DLGAP2: variants seen among roughly 807,000 people sequenced by gnomAD.
DLGAP2 encodes the protein DLG associated protein 2, also known as disks large-associated protein 2.
Under a neutral mutation model 100.3 loss-of-function variants are expected in DLGAP2, and 26 were observed. The observed-to-expected ratio is 0.26, with a 90% CI of 0.19 to 0.36. The LOEUF is 0.36. Among genes scored for constraint, DLGAP2 ranks in the 10% least tolerant of loss-of-function variants. The pLI is 1.00. For missense variants in DLGAP2, 1,858 were observed against 1,453.2 expected (o/e 1.28, Z -4.53); for synonymous variants, 886 against 630.1 (o/e 1.41, Z -6.08).
chr8:1,700,710 A>C (rs892845601), intron 14 of DLGAP2, among the ~76,000 whole-genome samples: 70 of 152,260 alleles, frequency 4.6e-4, no homozygotes, highest in African/African-American at 1.6e-3. Flanking sequence ...GTTTCCCCGC[A>C]CACCCATTCA....
chr8:1,044,749 C>T (rs188626651), intron 2 of DLGAP2, among the ~76,000 whole-genome samples: 86 of 152,328 alleles, frequency 5.6e-4, no homozygotes, highest in African/African-American at 2.0e-3. Flanking sequence ...TGTGTCTGTG[C>T]CTGTGGCTGC....
intron 3 of DLGAP2, among the ~76,000 whole-genome samples, chr8:1,444,944 G>C (rs1797942402): frequency 6.6e-6 from 1 of 151,382 alleles, no homozygotes; most frequent in Non-Finnish European, 1.5e-5. Context: ...GCTAATTTTT[G>C]TATTTTTAGT....
intron 1 of DLGAP2, chr8:822,197 C>G (rs746134037): frequency 2.8e-5 from 11 of 399,406 alleles, no homozygotes; most frequent in Non-Finnish European, 3.1e-5. Context: ...TGCTCAGGTA[C>G]AGTGTGATCT....
intron 3 of DLGAP2, among the ~76,000 whole-genome samples, chr8:1,494,254 C>T (rs991950794): frequency 1.3e-5 from 2 of 152,226 alleles, no homozygotes; most frequent in Admixed American, 1.3e-4. Context: ...GTTTTTCCTT[C>T]TAATACTTTG....
intron 1 of DLGAP2, among the ~76,000 whole-genome samples, chr8:769,007 A>G (rs1343952298): frequency 6.6e-6 from 1 of 152,072 alleles, no homozygotes; most frequent in Non-Finnish European, 1.5e-5. Context: ...AGCTTCCCAG[A>G]GGTGGGTGAC....
At chr8:1,053,485 G>C (rs959846152) in intron 2 of DLGAP2, among the ~76,000 whole-genome samples, 8 of 152,080 alleles carry the variant, frequency 5.3e-5, no homozygotes, top group Admixed American at 5.2e-4. Context: ...CAGTCAGTTC[G>C]CAGTCTCCGA....
At chr8:1,509,200 G>A (rs1393470025) in intron 4 of DLGAP2, among the ~76,000 whole-genome samples, 1 of 151,874 alleles carries the variant, frequency 6.6e-6, no homozygotes. Flanking sequence ...GCATGGTGGC[G>A]GGCGCCTGTA....
chr8:774,631 T>C, intron 1 of DLGAP2, among the ~76,000 whole-genome samples: 1 of 151,248 alleles, frequency 6.6e-6, no homozygotes, highest in Admixed American at 6.6e-5. Context: ...CTTGTTTTTC[T>C]CAGGTTTGTC....
intron 2 of DLGAP2, among the ~76,000 whole-genome samples, chr8:937,704 A>T (rs934824209): frequency 2.6e-5 from 4 of 152,138 alleles, no homozygotes; most frequent in Non-Finnish European, 5.9e-5. Context: ...CTTGGATGGG[A>T]CAGGGTCTTC....
chr8:1,474,271 C>A (rs1391069149), intron 3 of DLGAP2, among the ~76,000 whole-genome samples: 19 of 152,108 alleles, frequency 1.2e-4, no homozygotes. Context: ...GTTTCTTTAT[C>A]CACTTATTGA....
chr8:1,219,808 G>A (rs559408351), intron 2 of DLGAP2, among the ~76,000 whole-genome samples: 39 of 152,184 alleles, frequency 2.6e-4, no homozygotes, highest in African/African-American at 8.7e-4. Context: ...GGTCTGTTCA[G>A]GATTTCAGTT....
intron 12 of DLGAP2, among the ~76,000 whole-genome samples, chr8:1,687,978 C>A (rs895183506): frequency 6.6e-6 from 1 of 152,150 alleles, no homozygotes; most frequent in Non-Finnish European, 1.5e-5. Context: ...ATGATTCCTC[C>A]CCTCGTCATC....
Position 973,441 on chromosome 8 carries a change from C to T in DLGAP2, c.73+65475C>T, listed in dbSNP as rs552216711. On this transcript the variant is annotated intron_variant, in intron 2 of 14. Coordinates refer to ENST00000637795, the MANE Select transcript of DLGAP2 (RefSeq NM_001346810.2). Reference sequence around the variant, plus strand: ...GCTCCTCACCTCCCAGACGGGGTCACGGCCGGGCAGAGGCGCTCCTCACAT... The same window carrying T: ...GCTCCTCACCTCCCAGACGGGGTCATGGCCGGGCAGAGGCGCTCCTCACAT... Among the ~76,000 whole-genome samples, 138 of 151,716 alleles carry T rather than the reference C, an allele frequency of 9.1e-4. 1 individual carries two copies. Among genetic ancestry groups the T allele is most frequent in the African/African-American group, 3.3e-3 (135 of 41,332 alleles).
chr8:942,574 C>T (rs965968869), intron 2 of DLGAP2, among the ~76,000 whole-genome samples: 9 of 152,248 alleles, frequency 5.9e-5, no homozygotes, highest in African/African-American at 2.2e-4. Context: ...CATTTGGCAG[C>T]TCAGCTGCAT....
intron 2 of DLGAP2, among the ~76,000 whole-genome samples, chr8:944,990 C>T (rs1024458416): frequency 2.6e-5 from 4 of 152,160 alleles, no homozygotes; most frequent in African/African-American, 9.7e-5. Flanking sequence ...GATAGTTGGT[C>T]ACTTCTGGGT....
chr8:1,658,168 C>A (rs1011910979), intron 8 of DLGAP2, among the ~76,000 whole-genome samples: 1 of 152,092 alleles, frequency 6.6e-6, no homozygotes, highest in African/African-American at 2.4e-5. Flanking sequence ...CTCCACCCTC[C>A]ACCTGGCTGG....
At chr8:770,537 C>A (rs1315634379) in intron 1 of DLGAP2, among the ~76,000 whole-genome samples, 1 of 152,208 alleles carries the variant, frequency 6.6e-6, no homozygotes, top group Non-Finnish European at 1.5e-5. Context: ...TCCCCCGCCT[C>A]CTCTCAGCTG....
At chr8:757,152 C>A (rs1038347143) in intron 1 of DLGAP2, among the ~76,000 whole-genome samples, 2 of 152,192 alleles carry the variant, frequency 1.3e-5, no homozygotes, top group African/African-American at 4.8e-5. Flanking sequence ...CTGTCCCCTT[C>A]CCTTTGCCAT....
At chr8:1,066,624 G>T (rs565144826) in intron 2 of DLGAP2, among the ~76,000 whole-genome samples, 1 of 151,958 alleles carries the variant, frequency 6.6e-6, no homozygotes, top group East Asian at 1.9e-4. Context: ...CCCCACCACG[G>T]TCAGGTCTGA....
Sources: gnomAD v4.1 joint callset for allele counts (sites outside exome capture counted in the v4.1 genomes callset) on GRCh38, gnomAD v4.1.1 for gene constraint, MANE v1.5 for transcripts, NCBI Gene and HGNC (gene_info 2026-07-23, HGNC 2026-07-21) for gene names.